AMMECR1: variants seen among roughly 807,000 people sequenced by gnomAD.
The protein encoded by AMMECR1 is nuclear protein AMMECR1.
Under a neutral mutation model 22.5 loss-of-function variants are expected in AMMECR1, and 3 were observed. That is an observed-to-expected ratio of 0.13 (90% confidence interval 0.06 to 0.35). AMMECR1 has a LOEUF of 0.35. Among genes scored for constraint, AMMECR1 ranks in the 10% least tolerant of loss-of-function variants. The pLI, the probability that AMMECR1 is intolerant of heterozygous loss-of-function variation, is 1.00. For missense variants in AMMECR1, 235 were observed against 278.7 expected (o/e 0.84, Z 1.12); for synonymous variants, 130 against 116.7 (o/e 1.11, Z -0.74).
chrX:110,365,006 G>T (rs978754298), intron 2 of AMMECR1, among the ~76,000 whole-genome samples: 2 of 111,918 alleles, frequency 1.8e-5, no homozygotes, highest in Non-Finnish European at 3.8e-5. Flanking sequence ...TCTAGAAACA[G>T]TAGGGACTTC....
intron 2 of AMMECR1, among the ~76,000 whole-genome samples, chrX:110,238,745 CT>C (rs1401368374): frequency 8.9e-6 from 1 of 112,377 alleles, no homozygotes; most frequent in Non-Finnish European, 1.9e-5. Context: ...CCCGTGCCTC[CT>C]GACTGGGAGA....
intron 2 of AMMECR1, among the ~76,000 whole-genome samples, chrX:110,404,282 T>G (rs1439999479): frequency 8.9e-6 from 1 of 111,766 alleles, no homozygotes; most frequent in Non-Finnish European, 1.9e-5. Flanking sequence ...TTCATTGCTG[T>G]CTTCTGAAGT....
At chrX:110,219,626 G>A (rs2067490876) in intron 2 of AMMECR1, 1 of 744,917 alleles carries the variant, frequency 1.3e-6, no homozygotes, top group South Asian at 6.8e-5. Context: ...TAAAAAAAAA[G>A]AAGAATGTTT....
chrX:110,205,651 G>A (rs2067418601), intron 3 of AMMECR1, among the ~76,000 whole-genome samples: 1 of 111,534 alleles, frequency 9.0e-6, no homozygotes, highest in Non-Finnish European at 1.9e-5. Context: ...GGTACAAACT[G>A]GAAACTTGCA....
chrX:110,219,305 T>A, intron 2 of AMMECR1: 2 of 718,508 alleles, frequency 2.8e-6, no homozygotes, highest in Non-Finnish European at 3.3e-6. Context: ...CAATATTTGT[T>A]GTTGTTTGAC....
At chrX:110,355,946 T>C (rs778070991) in intron 2 of AMMECR1, among the ~76,000 whole-genome samples, 5 of 111,143 alleles carry the variant, frequency 4.5e-5, no homozygotes, top group South Asian at 7.6e-4. Flanking sequence ...TGGATGGAAC[T>C]GGAAGATACT....
At chrX:110,238,978 TAACA>T (rs1321323933) in intron 2 of AMMECR1, among the ~76,000 whole-genome samples, 1 of 111,311 alleles carries the variant, frequency 9.0e-6, no homozygotes, top group Non-Finnish European at 1.9e-5. Flanking sequence ...AAAGGAAAAC[TAACA>T]AACAGAAAGG....
chrX:110,323,956 C>CTATTGAAGATGGAATA (rs2068088252), intron 2 of AMMECR1, among the ~76,000 whole-genome samples: 1 of 109,877 alleles, frequency 9.1e-6, no homozygotes, highest in Non-Finnish European at 1.9e-5. Context: ...CTTTTTGATG[C>CTATTGAAGATGGAATA]TATTGAAGAT....
chrX:110,422,098 A>C, intron 2 of AMMECR1, among the ~76,000 whole-genome samples: 1 of 113,108 alleles, frequency 8.8e-6, no homozygotes, highest in Admixed American at 9.3e-5. Context: ...AAATCAGAGA[A>C]CACACCCAGA....
At chrX:110,332,781 T>A (rs1201446152) in intron 2 of AMMECR1, among the ~76,000 whole-genome samples, 4 of 111,452 alleles carry the variant, frequency 3.6e-5, no homozygotes, top group Non-Finnish European at 7.5e-5. Flanking sequence ...AAGTGAATGC[T>A]TTTGAGTAGA....
intron 1 of AMMECR1, among the ~76,000 whole-genome samples, chrX:110,275,105 T>G (rs1169660080): frequency 1.8e-5 from 2 of 111,553 alleles, no homozygotes; most frequent in Non-Finnish European, 3.8e-5. Context: ...TTAAAGAAAT[T>G]TTTTAATGAG....
At chrX:110,345,603 G>A (rs919889016) in intron 2 of AMMECR1, among the ~76,000 whole-genome samples, 1 of 110,590 alleles carries the variant, frequency 9.0e-6, no homozygotes, top group Non-Finnish European at 1.9e-5. Flanking sequence ...ACCAAGAGCT[G>A]TAAAACTACC....
At chrX:110,305,980 C>T (rs926228382) in intron 1 of AMMECR1, among the ~76,000 whole-genome samples, 3 of 110,283 alleles carry the variant, frequency 2.7e-5, no homozygotes, top group Non-Finnish European at 5.7e-5. Flanking sequence ...AAGACTCCAT[C>T]TCAAAAAAGT....
intron 2 of AMMECR1, among the ~76,000 whole-genome samples, chrX:110,407,801 C>A (rs899790819): frequency 6.2e-5 from 7 of 112,537 alleles, no homozygotes; most frequent in Admixed American, 4.7e-4. Flanking sequence ...CTCTCATTTT[C>A]TTTCTATTTG....
At chrX:110,246,652 T>G (rs150709034) in intron 2 of AMMECR1, among the ~76,000 whole-genome samples, 7 of 112,144 alleles carry the variant, frequency 6.2e-5, no homozygotes, top group Admixed American at 9.4e-5. Context: ...AAGACAATCA[T>G]GTAAGAAACT....
At chrX:110,369,200 C>T (rs992279124) in intron 2 of AMMECR1, among the ~76,000 whole-genome samples, 1 of 110,754 alleles carries the variant, frequency 9.0e-6, no homozygotes, top group African/African-American at 3.3e-5. Context: ...GGTGTGGTGG[C>T]ACGCTCCTGT....
At chrX:110,409,289 G>A (rs191501174) in intron 2 of AMMECR1, among the ~76,000 whole-genome samples, 210 of 111,025 alleles carry the variant, frequency 1.9e-3, no homozygotes, top group Non-Finnish European at 3.0e-3. Context: ...AAGCTAGAGC[G>A]TCCTAATGTC....
At chrX:110,363,691 G>A (rs2068278832) in intron 2 of AMMECR1, among the ~76,000 whole-genome samples, 1 of 111,310 alleles carries the variant, frequency 9.0e-6, no homozygotes. Context: ...CTTTCTGATA[G>A]GGTGATGCAT....
At chrX:110,213,563 A>C (rs1323294699) in intron 3 of AMMECR1, among the ~76,000 whole-genome samples, 1 of 112,502 alleles carries the variant, frequency 8.9e-6, no homozygotes, top group East Asian at 2.8e-4. Context: ...TGCTGTTATG[A>C]ACATTCATGC....
Sources: gnomAD v4.1 joint callset for allele counts (sites outside exome capture counted in the v4.1 genomes callset) on GRCh38, gnomAD v4.1.1 for gene constraint, MANE v1.5 for transcripts, NCBI Gene and HGNC (gene_info 2026-07-23, HGNC 2026-07-21) for gene names.